PPIP5K1: variants seen among roughly 807,000 people sequenced by gnomAD.
PPIP5K1 encodes inositol hexakisphosphate and diphosphoinositol-pentakisphosphate kinase 1.
PPIP5K1 carries 6 observed loss-of-function variants against 27.7 expected under a neutral mutation model. That is an observed-to-expected ratio of 0.22 (90% CI 0.12 to 0.43). The LOEUF (loss-of-function observed/expected upper bound fraction) is 0.43. Among genes scored for constraint, PPIP5K1 ranks in the 20% least tolerant of loss-of-function variants. PPIP5K1 has a pLI of 1.00. For synonymous variants in PPIP5K1, 145 were observed against 242.6 expected (o/e 0.60, Z 3.74); for missense variants, 394 against 635.4 (o/e 0.62, Z 4.08).
At chr15:43,549,044 AAAAAAAAAAAAAATAT>A (rs2081804012) in intron 30 of PPIP5K1, among the ~76,000 whole-genome samples, 1 of 92,572 alleles carries the variant, frequency 1.1e-5, no homozygotes, top group South Asian at 3.4e-4. Flanking sequence ...AAAAAAAAAA[AAAAAAAAAAAAAATAT>A]ATATATATAT....
Position 43,558,842 on chromosome 15 carries a change from C to T in PPIP5K1, c.3509G>A (p.Ser1170Asn). The T allele has an allele frequency of 6.2e-7, 1 of 1,614,126 alleles. No individual in the cohort carries two copies. The highest frequency in any genetic ancestry group is 1.1e-5 in the South Asian group (1 of 91,078). ...LSLRQVSEFLSRVCQRHTDAQ... is the reference protein window; with the variant it reads ...LSLRQVSEFLNRVCQRHTDAQ... The stretch of plus-strand genomic sequence containing the variant: ...ATCAGTGTGGCGCTGGCAGACTCTA[C>T]TCAAGAATTCACTCACTTGACGTAG... The change falls in exon 30 of 32, where the codon AGT becomes AAT. Residue 1170 changes from serine (S) to asparagine (N), a missense_variant. This residue lies in a region of PPIP5K1 where 379 missense variants were observed against 423.9 expected (regional missense o/e 0.89). Transcript: ENST00000420765.
chr15:43,540,250 C>CAAT (rs1158420567), intron 30 of PPIP5K1, among the ~76,000 whole-genome samples: 6 of 150,482 alleles, frequency 4.0e-5, no homozygotes, highest in Non-Finnish European at 8.9e-5. Context: ...AACTCTGTCT[C>CAAT]AATAATAATA....
chr15:43,542,634 A>G (rs928272081), intron 30 of PPIP5K1, among the ~76,000 whole-genome samples: 2 of 131,842 alleles, frequency 1.5e-5, no homozygotes, highest in Non-Finnish European at 3.4e-5. Context: ...GTGGATTTTT[A>G]TTATATATAT....
At chr15:43,548,531 T>C (rs2081675513) in intron 30 of PPIP5K1, 1 of 145,468 alleles carries the variant, frequency 6.9e-6, no homozygotes, top group Non-Finnish European at 1.5e-5. Flanking sequence ...ATTACAGGTG[T>C]GAGCCACCGC....
chr15:43,559,474 T>C (rs2083496450), intron 29 of PPIP5K1, among the ~76,000 whole-genome samples: 1 of 152,144 alleles, frequency 6.6e-6, no homozygotes, highest in African/African-American at 2.4e-5. Context: ...CTGGAGGGCA[T>C]GCAATACACA....
At chr15:43,558,568 G>C (rs1054598255) in intron 30 of PPIP5K1, among the ~76,000 whole-genome samples, 2 of 151,730 alleles carry the variant, frequency 1.3e-5, no homozygotes, top group Non-Finnish European at 2.9e-5. Context: ...TCTTGGCCAG[G>C]CTTGTCTCAA....
intron 30 of PPIP5K1, among the ~76,000 whole-genome samples, chr15:43,553,667 C>T (rs1308811065): frequency 2.2e-5 from 3 of 137,684 alleles, no homozygotes; most frequent in South Asian, 2.3e-4. Context: ...TTTTTTGAGA[C>T]GGAGTATCAC....
intron 30 of PPIP5K1, among the ~76,000 whole-genome samples, chr15:43,540,564 G>A (rs1218506989): frequency 6.6e-6 from 1 of 152,050 alleles, no homozygotes; most frequent in African/African-American, 2.4e-5. Context: ...GGGTGTAGTG[G>A]CACATGCCTG....
At chr15:43,541,590 G>T (rs976769888) in intron 30 of PPIP5K1, among the ~76,000 whole-genome samples, 1 of 152,022 alleles carries the variant, frequency 6.6e-6, no homozygotes, top group Non-Finnish European at 1.5e-5. Context: ...GGTGGTGGGC[G>T]CCTGTAATCT....
At chr15:43,551,555 T>A (rs980188830) in intron 30 of PPIP5K1, among the ~76,000 whole-genome samples, 1 of 149,116 alleles carries the variant, frequency 6.7e-6, no homozygotes, top group Non-Finnish European at 1.5e-5. Context: ...TAATAATAAT[T>A]TAATTTTTTC....
chr15:43,557,213 AG>A (rs538715166), intron 30 of PPIP5K1, among the ~76,000 whole-genome samples: 5 of 152,010 alleles, frequency 3.3e-5, no homozygotes, highest in African/African-American at 4.8e-5. Flanking sequence ...TGGGAACCCA[AG>A]GGGGGGTGGA....
chr15:43,538,369 C>T (rs1181750267), intron 31 of PPIP5K1, among the ~76,000 whole-genome samples: 4 of 152,178 alleles, frequency 2.6e-5, no homozygotes, highest in African/African-American at 4.8e-5. Context: ...CTCCACTGTT[C>T]ACATTGTTAC....
intron 30 of PPIP5K1, among the ~76,000 whole-genome samples, chr15:43,555,906 T>C (rs1441973567): frequency 6.6e-6 from 1 of 152,216 alleles, no homozygotes; most frequent in East Asian, 1.9e-4. Context: ...ATGCCTGGCC[T>C]TAAAATTTTT....
intron 10 of PPIP5K1, among the ~76,000 whole-genome samples, chr15:43,580,743 C>T (rs1415679448): frequency 1.4e-5 from 1 of 70,030 alleles, no homozygotes; most frequent in Non-Finnish European, 2.4e-5. Context: ...TACAGGCATG[C>T]TCCACCATGC....
chr15:43,556,200 G>A (rs1380234073), intron 30 of PPIP5K1, among the ~76,000 whole-genome samples: 2 of 151,984 alleles, frequency 1.3e-5, no homozygotes, highest in African/African-American at 4.8e-5. Context: ...CGCACCTGTA[G>A]TCCCAGCTAT....
intron 30 of PPIP5K1, 110 bp downstream of exon 30, chr15:43,558,685 T>C: frequency 7.0e-7 from 1 of 1,423,534 alleles, no homozygotes; most frequent in Admixed American, 2.0e-5. Flanking sequence ...AGTGTACTTT[T>C]GTGTCTTTGT....
chr15:43,546,040 A>G (rs1029716419), intron 30 of PPIP5K1, among the ~76,000 whole-genome samples: 1 of 151,476 alleles, frequency 6.6e-6, no homozygotes, highest in East Asian at 1.9e-4. Flanking sequence ...GTCAATCTCC[A>G]TTCCATCCTA....
In PPIP5K1 at chr15:43,546,654, ATTTTTTTTTTT is replaced by A. The variant is rs58966502; in HGVS notation, c.3557-7082_3557-7072del. On this transcript the variant is annotated intron_variant, in intron 30 of 31. Coordinates refer to ENST00000420765, the MANE Select transcript of PPIP5K1 (RefSeq NM_001394395.1). ...GTATTTGTTTGAGTACCTGTTTTCA[ATTTTTTTTTTT>A]TTTTTTTTTTTTTTTGAGTCTCACT... Among the ~76,000 whole-genome samples, 1,024 of 106,554 alleles carry A rather than the reference ATTTTTTTTTTT, an allele frequency of 9.6e-3. 23 individuals carry two copies. The East Asian group carries it at 0.11, about 11-fold the overall frequency. The allele number at this position is 106,554 out of a possible 152,430, so 69.9% of individuals were successfully genotyped here.
At chr15:43,553,340 C>CT (rs879732500) in intron 30 of PPIP5K1, among the ~76,000 whole-genome samples, 108 of 143,102 alleles carry the variant, frequency 7.5e-4, no homozygotes, top group Middle Eastern at 3.6e-3. Context: ...TTTTCTTCTT[C>CT]TTTTTTTTTT....
Sources: allele counts gnomAD v4.1 joint callset (sites outside exome capture counted in the v4.1 genomes callset), GRCh38; gene constraint gnomAD v4.1.1; regional missense constraint gnomAD v4.1.1; transcripts MANE v1.5; gene names NCBI Gene and HGNC (gene_info 2026-07-23, HGNC 2026-07-21).